ESRRG: variants seen among roughly 807,000 people sequenced by gnomAD.
ESRRG encodes the protein estrogen related receptor gamma.
A neutral mutation model predicts 44.0 loss-of-function variants in ESRRG; 13 were observed. The ratio of observed to expected loss-of-function variants is 0.30; its 90% CI spans 0.19 to 0.47. ESRRG has a LOEUF of 0.47. Among genes scored for constraint, ESRRG ranks in the 20% least tolerant of loss-of-function variants. The pLI is 1.00. For synonymous variants in ESRRG, 215 were observed against 214.6 expected, an observed-to-expected ratio of 1.00 and a Z score of -0.02; for missense variants, 395 against 580.6, an observed-to-expected ratio of 0.68 and a Z score of 3.29.
At chr1:216,867,761 T>C (rs1360883055) in intron 2 of ESRRG, among the ~76,000 whole-genome samples, 1 of 152,168 alleles carries the variant, frequency 6.6e-6, no homozygotes, top group Non-Finnish European at 1.5e-5. Flanking sequence ...AAATTTTATT[T>C]TCTAAATTAT....
intron 3 of ESRRG, among the ~76,000 whole-genome samples, chr1:216,614,220 C>T (rs551398618): frequency 3.3e-5 from 5 of 152,316 alleles, no homozygotes; most frequent in East Asian, 3.9e-4. Context: ...GAGGGCCTTC[C>T]GCTCCCATTC....
intron 1 of ESRRG, among the ~76,000 whole-genome samples, chr1:217,126,895 A>G (rs1350282930): frequency 6.6e-6 from 1 of 152,170 alleles, no homozygotes; most frequent in Non-Finnish European, 1.5e-5. Context: ...AAAGCATTAG[A>G]CATTGGATTG....
intron 2 of ESRRG, among the ~76,000 whole-genome samples, chr1:216,758,407 G>T (rs2092585776): frequency 6.6e-6 from 1 of 152,032 alleles, no homozygotes; most frequent in Non-Finnish European, 1.5e-5. Flanking sequence ...CTCAGACGTG[G>T]TTTGTTCTCA....
intron 1 of ESRRG, among the ~76,000 whole-genome samples, chr1:217,067,809 T>C (rs929946995): frequency 1.3e-5 from 2 of 152,132 alleles, no homozygotes; most frequent in African/African-American, 4.8e-5. Flanking sequence ...TTTCACCTTC[T>C]GATAACCACA....
chr1:216,810,078 A>T (rs2094920569), intron 2 of ESRRG, among the ~76,000 whole-genome samples: 1 of 152,090 alleles, frequency 6.6e-6, no homozygotes, highest in Admixed American at 6.6e-5. Flanking sequence ...ACACCTGCAA[A>T]CTGTTCCTAG....
chr1:216,997,592 T>C (rs2076529188), intron 1 of ESRRG, among the ~76,000 whole-genome samples: 1 of 152,230 alleles, frequency 6.6e-6, no homozygotes, highest in South Asian at 2.1e-4. Context: ...TAACAAAGTC[T>C]CTTTACTATT....
At chr1:216,707,449 TTC>T (rs1369816157) in intron 1 of ESRRG, 1 of 1,535,482 alleles carries the variant, frequency 6.5e-7, no homozygotes, top group Non-Finnish European at 8.7e-7. Flanking sequence ...AAATGCACAA[TTC>T]CTAATTACAT....
chr1:216,672,939 T>C lies in ESRRG; in HGVS notation c.472+4137A>G, dbSNP rs376336044. ...TGGTGTACATGAAAATGCCTATGGA[T>C]GCACACGTCCCTTAAGTCAATGAGA... On this transcript the variant is annotated intron_variant, in intron 2 of 6. Transcript: ENST00000408911. Among the ~76,000 whole-genome samples, 25 of 152,242 alleles carry C rather than the reference T, an allele frequency of 1.6e-4. No individual in the cohort carries two copies. In the East Asian group the frequency reaches 4.4e-3, roughly 27 times the overall value.
chr1:217,055,833 C>T (rs1317360140), intron 1 of ESRRG, among the ~76,000 whole-genome samples: 1 of 152,232 alleles, frequency 6.6e-6, no homozygotes, highest in Non-Finnish European at 1.5e-5. Flanking sequence ...CTCTTCCCCA[C>T]ACCCAGATGT....
chr1:216,728,966 G>A (rs185906684), intron 2 of ESRRG, among the ~76,000 whole-genome samples: 1 of 152,270 alleles, frequency 6.6e-6, no homozygotes, highest in African/African-American at 2.4e-5. Flanking sequence ...AATTAGAGGT[G>A]TGTGTTTGTC....
chr1:217,087,744 C>A (rs1026759244), intron 1 of ESRRG, among the ~76,000 whole-genome samples: 1 of 152,092 alleles, frequency 6.6e-6, no homozygotes, highest in African/African-American at 2.4e-5. Context: ...CTACTTAATG[C>A]GAGTTTAAAG....
intron 5 of ESRRG, among the ~76,000 whole-genome samples, chr1:216,560,278 C>T (rs1171696653): frequency 6.6e-6 from 1 of 151,942 alleles, no homozygotes; most frequent in Non-Finnish European, 1.5e-5. Context: ...ACTGAGGCCC[C>T]CCAAACTTGA....
At chr1:216,939,511 T>A (rs2064854666) in intron 2 of ESRRG, 1 of 152,076 alleles carries the variant, frequency 6.6e-6, no homozygotes, top group South Asian at 2.1e-4. Context: ...CTAATGTGTA[T>A]CACGTGGCAT....
At chr1:216,555,705 G>T (rs2057406512) in intron 5 of ESRRG, among the ~76,000 whole-genome samples, 1 of 152,032 alleles carries the variant, frequency 6.6e-6, no homozygotes, top group Admixed American at 6.6e-5. Flanking sequence ...TTGTTTTTCA[G>T]CCATTTTCCC....
At chr1:217,017,344 A>T (rs1298183953) in intron 1 of ESRRG, among the ~76,000 whole-genome samples, 1 of 152,078 alleles carries the variant, frequency 6.6e-6, no homozygotes, top group Non-Finnish European at 1.5e-5. Context: ...CCTCATTCAC[A>T]CTGAGAATAA....
At chr1:216,586,559 A>G (rs1030184654) in intron 3 of ESRRG, among the ~76,000 whole-genome samples, 1 of 150,996 alleles carries the variant, frequency 6.6e-6, no homozygotes, top group Admixed American at 6.6e-5. Context: ...CAAAGAAACT[A>G]GTAACCTAAG....
chr1:217,109,598 C>A (rs969722200), intron 1 of ESRRG, among the ~76,000 whole-genome samples: 1 of 152,142 alleles, frequency 6.6e-6, no homozygotes, highest in African/African-American at 2.4e-5. Flanking sequence ...CACCTAAGTA[C>A]TTTCTTAAAC....
rs142384036 is a variant in ESRRG, at chr1:216,897,559, A to G, written c.-14+42023T>C. On this transcript the variant is annotated intron_variant, in intron 2 of 7. Transcript: ENST00000359162. ...TTTATATAGGCTTTCCCTGCAAAGT[A>G]CACAGTTTTGACTTATAATCAAGCC... Among the ~76,000 whole-genome samples, 46 of 152,330 alleles carry G rather than the reference A, an allele frequency of 3.0e-4. No individual in the cohort carries two copies. The Middle Eastern group carries it at 0.014, about 45-fold the overall frequency.
At chr1:217,101,629 C>G (rs2092513482) in intron 1 of ESRRG, among the ~76,000 whole-genome samples, 1 of 152,256 alleles carries the variant, frequency 6.6e-6, no homozygotes, top group Non-Finnish European at 1.5e-5. Flanking sequence ...CAAACCAAAT[C>G]TATCTCAAAT....
Sources: allele counts gnomAD v4.1 joint callset (sites outside exome capture counted in the v4.1 genomes callset), GRCh38; gene constraint gnomAD v4.1.1; transcripts MANE v1.5; gene names NCBI Gene and HGNC (gene_info 2026-07-23, HGNC 2026-07-21).